Variants in MOCS3 observed in about 807,000 individuals in gnomAD.
The protein encoded by MOCS3 is adenylyltransferase and sulfurtransferase MOCS3.
A neutral mutation model predicts 8.4 loss-of-function variants in MOCS3; 9 were observed. That is an observed-to-expected ratio of 1.07 (90% CI 0.65 to 1.87). MOCS3 has a LOEUF of 1.87. Among genes scored for constraint, MOCS3 ranks in the 40% most tolerant of loss-of-function variants. The probability of loss-of-function intolerance (pLI) is 0.00; values close to 1 mark genes in which losing one functional copy is unlikely to be tolerated. For missense variants in MOCS3, 581 were observed against 599.7 expected (o/e 0.97, Z 0.33); for synonymous variants, 294 against 272.0 (o/e 1.08, Z -0.80).
rs1245851059 is a variant in MOCS3, at chr20:50,963,132, C to T, written c.*2907C>T. ...GTAGCAATGGGGTCTGAATATGTGGCCTAGGCTGATCTCAAACTCCTGGGC... is the reference window on the plus strand; with the variant it reads ...GTAGCAATGGGGTCTGAATATGTGGTCTAGGCTGATCTCAAACTCCTGGGC... On this transcript the variant is annotated 3_prime_UTR_variant, in exon 1 of 1. Transcript: ENST00000244051. The T allele has an allele frequency of 1.3e-5, 2 of 151,864 alleles. No homozygotes were observed. The highest frequency in any genetic ancestry group is 2.9e-5 in the Non-Finnish European group (2 of 67,998). The allele number at this position is 151,864 out of a possible 1,614,324, so 9.4% of individuals were successfully genotyped here. A position where few individuals can be genotyped will look rare whatever the true frequency, so the allele number is the denominator to read the frequency against.
rs776439869 is a variant in MOCS3, at chr20:50,959,843, A to G, written c.1001A>G (p.Glu334Gly). The change falls in exon 1 of 1, where the codon GAG (glutamate) becomes GGG (glycine). Residue 334 changes from glutamate (E) to glycine (G), a missense_variant. By Grantham distance (98) the Glu-to-Gly change is moderately conservative. Coordinates refer to ENST00000244051, the MANE Select transcript of MOCS3 (RefSeq NM_014484.5). ...TCCCTGCAACTACTGAGCCCAGAGG[A>G]GCGTGTTTCTGTCACCGACTATAAG... is the stretch of plus-strand genomic sequence containing the variant. ...CRSLQLLSPE[E>G]RVSVTDYKRL... is the part of the protein sequence containing the mutation. 6.2e-7 allele frequency: 1 copy of G among 1,614,080 alleles called. No homozygotes were observed. The highest frequency in any genetic ancestry group is 1.1e-5 in the South Asian group (1 of 91,088).
In MOCS3 at chr20:50,959,961, C is replaced by T. The variant is rs1437825022; in HGVS notation, c.1119C>T (p.Ile373=). Residue 373 remains isoleucine, a synonymous_variant, in exon 1 of 1, where the codon ATC becomes ATT. Coordinates refer to ENST00000244051, the MANE Select transcript of MOCS3 (RefSeq NM_014484.5). The part of the protein sequence containing the change: ...DICRLPHALH[I]PLKHLERRDA... ...GTCGTTTGCCTCATGCCCTACACAT[C>T]CCTCTGAAACATTTGGAACGCAGGG... The T allele has an allele frequency of 3.7e-6, 6 of 1,614,156 alleles. No individual in the cohort carries two copies. The highest frequency in any genetic ancestry group is 4.5e-5 in the East Asian group (2 of 44,906).
chr20:50,959,525 CCCA>C lies in MOCS3; in HGVS notation c.684_686del (p.Gln229del). On this transcript the variant is annotated inframe_deletion, in exon 1 of 1. Coordinates refer to ENST00000244051, the MANE Select transcript of MOCS3 (RefSeq NM_014484.5). ...GGCCCTTGCTATCGCTGCATATTCC[CCCA>C]ACCACCCCCAGCGGAGACAGTGACC... 1 of 1,614,140 alleles carries C rather than the reference CCCA, an allele frequency of 6.2e-7. No homozygotes were observed.
At position 50,962,014 on chromosome 20, in the gene MOCS3, T is replaced by C. The variant is rs903599887; in HGVS notation, c.*1789T>C. The stretch of plus-strand genomic sequence containing the variant: ...ACAGTTGTAGTTCCTATAAACCTGG[T>C]TGTCACAGGGGACAGGCAAGAGAAG... On this transcript the variant is annotated 3_prime_UTR_variant, in exon 1 of 1. Transcript: ENST00000244051. 6.6e-6 allele frequency: 1 copy of C among 152,214 alleles called. No individual in the cohort carries two copies. Among genetic ancestry groups the C allele is most frequent in the African/African-American group, 2.4e-5 (1 of 41,460 alleles). The allele number at this position is 152,214 out of a possible 1,614,324, so 9.4% of individuals were successfully genotyped here. A position where few individuals can be genotyped will look rare whatever the true frequency, so the allele number is the denominator to read the frequency against.
In MOCS3 at chr20:50,959,879, A is replaced by G; in HGVS notation, c.1037A>G (p.Asp346Gly). 6.2e-7 allele frequency: 1 copy of G among 1,614,162 alleles called. No homozygotes were observed. The highest frequency in any genetic ancestry group is 8.5e-7 in the Non-Finnish European group (1 of 1,180,000). The change falls in exon 1 of 1, where the codon GAT (aspartate) becomes GGT (glycine). Residue 346 changes from aspartate to glycine, a missense_variant. By Grantham distance (94) the Asp-to-Gly change is moderately conservative. Coordinates refer to ENST00000244051, the MANE Select transcript of MOCS3 (RefSeq NM_014484.5). ...VSVTDYKRLL[D>G]SGAFHLLLDV... ...GTCACCGACTATAAGCGACTGCTGG[A>G]TTCTGGGGCATTCCACCTGTTGCTG... is the stretch of plus-strand genomic sequence containing the variant.
Position 50,959,645 on chromosome 20 carries a change from G to T in MOCS3, c.803G>T (p.Gly268Val), listed in dbSNP as rs767467905. Reference protein sequence around the residue: ...LEVLKIAAGLGPSYSGSLLLF... With the variant: ...LEVLKIAAGLVPSYSGSLLLF... ...GTGCTGAAAATCGCTGCGGGTCTGG[G>T]CCCCTCTTACAGTGGCAGCTTGTTG... The change falls in exon 1 of 1, where the codon GGC becomes GTC. Residue 268 changes from glycine (G) to valine (V), a missense_variant. By Grantham distance (109) the Gly-to-Val change is moderately radical. Transcript: ENST00000244051. 6.2e-7 allele frequency: 1 copy of T among 1,614,194 alleles called. No individual in the cohort carries two copies. The highest frequency in any genetic ancestry group is 1.1e-5 in the South Asian group (1 of 91,084).
Position 50,960,094 on chromosome 20 carries a change from TCA to T in MOCS3, c.1255_1256del (p.Gln419GlufsTer44), listed in dbSNP as rs780779105. On this transcript the variant is annotated frameshift_variant, in exon 1 of 1. Coordinates refer to ENST00000244051, the MANE Select transcript of MOCS3 (RefSeq NM_014484.5). LOFTEE classifies it high-confidence loss of function. ...TGTGATTTGCAAACTGGGAAATGAC[TCA>T]CAGAAAGCCGTGAAGATCCTCCAGT... ...IYVICKLGND[S>X]QKAVKILQSL... The T allele has an allele frequency of 6.2e-7, 1 of 1,614,232 alleles. No homozygotes were observed. Among genetic ancestry groups the T allele is most frequent in the South Asian group, 1.1e-5 (1 of 91,092 alleles).
Position 50,962,973 on chromosome 20 carries a change from A to G in MOCS3, c.*2748A>G, listed in dbSNP as rs1021015005. 2.6e-5 allele frequency: 4 copies of G among 152,186 alleles called. No individual in the cohort carries two copies. The highest frequency in any genetic ancestry group is 1.3e-4 in the Admixed American group (2 of 15,274). The allele number at this position is 152,186 out of a possible 1,614,324, so 9.4% of individuals were successfully genotyped here. On this transcript the variant is annotated 3_prime_UTR_variant, in exon 1 of 1. Coordinates refer to ENST00000244051, the MANE Select transcript of MOCS3 (RefSeq NM_014484.5). ...TGCTTCGTCGCCCAGGGTGGAGTGT[A>G]GTGTTGTGATCACAGCTCGCTGTGG...
In MOCS3 at chr20:50,959,139, G is replaced by C. The variant is rs781476759; in HGVS notation, c.297G>C (p.Gln99His). 8 of 1,613,112 alleles carry C rather than the reference G, an allele frequency of 5.0e-6. No homozygotes were observed. Among genetic ancestry groups the C allele is most frequent in the Non-Finnish European group, 6.8e-6 (8 of 1,179,934 alleles). ...GCGGLGCPLA[Q>H]YLAAAGVGRL... ...GTGGGCTCGGCTGTCCACTAGCGCAGTACTTGGCAGCGGCCGGCGTGGGCC... is the reference window on the plus strand; with the variant it reads ...GTGGGCTCGGCTGTCCACTAGCGCACTACTTGGCAGCGGCCGGCGTGGGCC... Residue 99 changes from glutamine to histidine, a missense_variant, in exon 1 of 1, where the codon CAG becomes CAC. By Grantham distance (24) the Gln-to-His change is conservative. Coordinates refer to ENST00000244051, the MANE Select transcript of MOCS3 (RefSeq NM_014484.5).
rs907322205 is a variant in MOCS3, at chr20:50,960,777, T to C, written c.*552T>C. On this transcript the variant is annotated 3_prime_UTR_variant, in exon 1 of 1. Transcript: ENST00000244051. ...TTTTTTTTTTGAGATGGAATCTCTC[T>C]CTGTTGCCCAGGCTGGAGTGTAGTG... The C allele has an allele frequency of 1.3e-5, 2 of 158,950 alleles. No homozygotes were observed. Among genetic ancestry groups the C allele is most frequent in the African/African-American group, 4.8e-5 (2 of 41,282 alleles). 9.8% of individuals were successfully genotyped at this position (158,950 alleles called of 1,614,324 possible).
rs1987110804 is a variant in MOCS3 at position 50,961,933 on chromosome 20, A to G, written c.*1708A>G. 6.6e-6 allele frequency: 1 copy of G among 152,224 alleles called. No individual in the cohort carries two copies. Among genetic ancestry groups the G allele is most frequent in the African/African-American group, 2.4e-5 (1 of 41,446 alleles). 9.4% of individuals were successfully genotyped at this position (152,224 alleles called of 1,614,324 possible). A position where few individuals can be genotyped will look rare whatever the true frequency, so the allele number is the denominator to read the frequency against. On this transcript the variant is annotated 3_prime_UTR_variant, in exon 1 of 1. Coordinates refer to ENST00000244051, the MANE Select transcript of MOCS3 (RefSeq NM_014484.5). ...GATTCTGATACATAGCAGGAAACAAATAGCGACACACAGGAACAATTTCAT... is the reference window on the plus strand; with the variant it reads ...GATTCTGATACATAGCAGGAAACAAGTAGCGACACACAGGAACAATTTCAT...
rs1987125118 is a variant in MOCS3 at position 50,962,616 on chromosome 20, C to T, written c.*2391C>T. The T allele has an allele frequency of 6.6e-6, 1 of 152,310 alleles. No homozygotes were observed. The allele number at this position is 152,310 out of a possible 1,614,324, so 9.4% of individuals were successfully genotyped here. On this transcript the variant is annotated 3_prime_UTR_variant, in exon 1 of 1. Transcript: ENST00000244051. ...GCTGGATGGAGTGCAGCGGCACAAT[C>T]TCGGCTCACTGCAACCTCCACCTCC...
In MOCS3 at chr20:50,961,889, C is replaced by A. The variant is rs1987109857; in HGVS notation, c.*1664C>A. On this transcript the variant is annotated 3_prime_UTR_variant, in exon 1 of 1. Transcript: ENST00000244051. ...GATGGCTGGCCTGTGTTTTTCATCT[C>A]CTTCTTCCAGGGACAACTGATTCTG... 6.6e-6 allele frequency: 1 copy of A among 152,182 alleles called. No individual in the cohort carries two copies. The highest frequency in any genetic ancestry group is 1.5e-5 in the Non-Finnish European group (1 of 68,044). The allele number at this position is 152,182 out of a possible 1,614,324, so 9.4% of individuals were successfully genotyped here.
In MOCS3 at chr20:50,959,467, G is replaced by C. The variant is rs769523429; in HGVS notation, c.625G>C (p.Glu209Gln). 9 of 1,613,902 alleles carry C rather than the reference G, an allele frequency of 5.6e-6. No homozygotes were observed. Among genetic ancestry groups the C allele is most frequent in the Non-Finnish European group, 7.6e-6 (9 of 1,180,036 alleles). The change falls in exon 1 of 1, where the codon GAG becomes CAG. Residue 209 changes from glutamate to glutamine, a missense_variant. Transcript: ENST00000244051. ...PLVSASALRF[E>Q]GQITVYHYDG... ...CGTGTCTGCCAGTGCCTTGCGCTTC[G>C]AGGGCCAAATCACAGTCTACCATTA...
chr20:50,959,655 C>T lies in MOCS3; in HGVS notation c.813C>T (p.Tyr271=), dbSNP rs1275229905. Residue 271 remains tyrosine, a synonymous_variant, in exon 1 of 1, where the codon TAC becomes TAT. Coordinates refer to ENST00000244051, the MANE Select transcript of MOCS3 (RefSeq NM_014484.5). ...TCGCTGCGGGTCTGGGCCCCTCTTA[C>T]AGTGGCAGCTTGTTGCTCTTTGATG... ...LKIAAGLGPS[Y]SGSLLLFDAL... 1.2e-6 allele frequency: 2 copies of T among 1,614,138 alleles called. No homozygotes were observed. Among genetic ancestry groups the T allele is most frequent in the Non-Finnish European group, 1.7e-6 (2 of 1,180,050 alleles).
In MOCS3 at chr20:50,959,746, G is replaced by C; in HGVS notation, c.904G>C (p.Glu302Gln). ...CAGGCTCGACTGTGCAGCTTGCGGG[G>C]AACGGCCCACTGTGACTGATCTGCT... ...SRRLDCAACG[E>Q]RPTVTDLLDY... Residue 302 changes from glutamate (E) to glutamine (Q), a missense_variant, in exon 1 of 1, where the codon GAA becomes CAA. Coordinates refer to ENST00000244051, the MANE Select transcript of MOCS3 (RefSeq NM_014484.5). 1 of 1,614,242 alleles carries C rather than the reference G, an allele frequency of 6.2e-7. No homozygotes were observed. Among genetic ancestry groups the C allele is most frequent in the South Asian group, 1.1e-5 (1 of 91,082 alleles).
In MOCS3 at chr20:50,959,457, C is replaced by T. The variant is rs747771618; in HGVS notation, c.615C>T (p.Ala205=). 5 of 1,614,046 alleles carry T rather than the reference C, an allele frequency of 3.1e-6. No homozygotes were observed. The Admixed American group carries it at 6.7e-5, about 22-fold the overall frequency. The change falls in exon 1 of 1, where the codon GCC becomes GCT. Residue 205 remains alanine (A), a synonymous_variant. Transcript: ENST00000244051. The stretch of plus-strand genomic sequence containing the variant: ...GTCGGCCCCTCGTGTCTGCCAGTGC[C>T]TTGCGCTTCGAGGGCCAAATCACAG... ...LAGRPLVSAS[A]LRFEGQITVY...
Position 50,959,416 on chromosome 20 carries a change from G to T in MOCS3, c.574G>T (p.Ala192Ser), listed in dbSNP as rs753991000. The change falls in exon 1 of 1, where the codon GCA becomes TCA. Residue 192 changes from alanine (A) to serine (S), a missense_variant. By Grantham distance (99) the Ala-to-Ser change is moderately conservative. Coordinates refer to ENST00000244051, the MANE Select transcript of MOCS3 (RefSeq NM_014484.5). Reference protein sequence around the residue: ...NVPTRYLVNDACVLAGRPLVS... With the variant: ...NVPTRYLVNDSCVLAGRPLVS... Reference sequence around the variant, plus strand: ...GCCCACTCGCTACCTGGTTAATGACGCATGTGTGCTGGCGGGTCGGCCCCT... The same window carrying T: ...GCCCACTCGCTACCTGGTTAATGACTCATGTGTGCTGGCGGGTCGGCCCCT... 5 of 1,613,780 alleles carry T rather than the reference G, an allele frequency of 3.1e-6. No individual in the cohort carries two copies. The highest frequency in any genetic ancestry group is 4.2e-6 in the Non-Finnish European group (5 of 1,180,020).
rs1186087068 is a variant in MOCS3 at position 50,960,901 on chromosome 20, G to A, written c.*676G>A. On this transcript the variant is annotated 3_prime_UTR_variant, in exon 1 of 1. Coordinates refer to ENST00000244051, the MANE Select transcript of MOCS3 (RefSeq NM_014484.5). ...TGGGATTACAGGCGCACGCCACCAC[G>A]CCTGGCTAATTTTTGTATTTTTAGT... is the stretch of plus-strand genomic sequence containing the variant. 5.8e-5 allele frequency: 9 copies of A among 154,936 alleles called. No individual in the cohort carries two copies. Among genetic ancestry groups the A allele is most frequent in the South Asian group, 2.1e-4 (1 of 4,812 alleles). 9.6% of individuals were successfully genotyped at this position (154,936 alleles called of 1,614,324 possible).
Sources: allele counts gnomAD v4.1 joint callset, GRCh38; gene constraint gnomAD v4.1.1; transcripts MANE v1.5; gene names NCBI Gene and HGNC (gene_info 2026-07-23, HGNC 2026-07-21).